Variants in NRDE2 observed in about 807,000 individuals in gnomAD.
The protein encoded by NRDE2 is NRDE-2, necessary for RNA interference, domain containing.
A neutral mutation model predicts 124.2 loss-of-function variants in NRDE2; 76 were observed. The observed-to-expected ratio is 0.61, with a 90% CI of 0.51 to 0.74. NRDE2 has a LOEUF of 0.74. Among genes scored for constraint, NRDE2 ranks in the 30% least tolerant of loss-of-function variants. The pLI is 0.00. For missense variants in NRDE2, 1,314 were observed against 1,417.3 expected (o/e 0.93, Z 1.17); for synonymous variants, 489 against 528.1 (o/e 0.93, Z 1.01).
At chr14:90,321,626 C>T (rs1240814866) in intron 1 of NRDE2, among the ~76,000 whole-genome samples, 2 of 151,590 alleles carry the variant, frequency 1.3e-5, no homozygotes, top group East Asian at 3.9e-4. Context: ...CATGGATCCT[C>T]TGTGACCTTC....
intron 11 of NRDE2, among the ~76,000 whole-genome samples, chr14:90,287,339 C>T (rs564130524): frequency 5.9e-5 from 9 of 152,188 alleles, no homozygotes; most frequent in African/African-American, 2.2e-4. Flanking sequence ...TGGATCAGGC[C>T]GGACACTGTG....
chr14:90,298,705 AC>A (rs974705827), intron 7 of NRDE2, among the ~76,000 whole-genome samples: 2 of 152,206 alleles, frequency 1.3e-5, no homozygotes, highest in African/African-American at 4.8e-5. Flanking sequence ...TTACAAAAAG[AC>A]CAGCTGAGGT....
At chr14:90,319,416 A>T (rs956946158) in intron 1 of NRDE2, among the ~76,000 whole-genome samples, 1 of 152,160 alleles carries the variant, frequency 6.6e-6, no homozygotes, top group African/African-American at 2.4e-5. Flanking sequence ...GGTCATCTTC[A>T]TAACTTTAGA....
chr14:90,268,191 CTTTT>C lies in NRDE2; in HGVS notation c.*10141_*10144del. ...TAAGTTAAAATGGCACTTAAGGTGT[CTTTT>C]TTTTTTTTATCTTTTTCATCCAAAA... On this transcript the variant is annotated 3_prime_UTR_variant, in exon 14 of 14. Transcript: ENST00000354366. 4.6e-6 allele frequency: 6 copies of C among 1,303,800 alleles called. No homozygotes were observed. The highest frequency in any genetic ancestry group is 2.6e-5 in the East Asian group (1 of 38,690). The allele number at this position is 1,303,800 out of a possible 1,614,324, so 80.8% of individuals were successfully genotyped here.
At chr14:90,309,148 C>T (rs193209168) in intron 4 of NRDE2, among the ~76,000 whole-genome samples, 4 of 151,822 alleles carry the variant, frequency 2.6e-5, no homozygotes, top group African/African-American at 9.7e-5. Flanking sequence ...TGAGTTGGGT[C>T]GCACGCATTG....
intron 8 of NRDE2, among the ~76,000 whole-genome samples, chr14:90,293,823 G>A (rs1892339046): frequency 6.6e-6 from 1 of 152,184 alleles, no homozygotes; most frequent in African/African-American, 2.4e-5. Context: ...GAAAGCCAGA[G>A]TTATCTGTAA....
In NRDE2 at chr14:90,269,692, C is replaced by CTT. The variant is rs1891612305; in HGVS notation, c.*8642_*8643dup. On this transcript the variant is annotated 3_prime_UTR_variant, in exon 14 of 14. Coordinates refer to ENST00000354366, the MANE Select transcript of NRDE2 (RefSeq NM_017970.4). ...GATAATTTACAAAAAAATAGGTCCT[C>CTT]TTGAGATGAGGGTTAAAACAGAGCA... 6 of 862,020 alleles carry CTT rather than the reference C, an allele frequency of 7.0e-6. No homozygotes were observed. The highest frequency in any genetic ancestry group is 8.8e-6 in the Non-Finnish European group (5 of 569,834). 53.4% of individuals were successfully genotyped at this position (862,020 alleles called of 1,614,324 possible).
Position 90,303,038 on chromosome 14 carries a change from T to G in NRDE2, c.1093A>C (p.Lys365Gln). 2 of 1,613,992 alleles carry G rather than the reference T, an allele frequency of 1.2e-6. No homozygotes were observed. Among genetic ancestry groups the G allele is most frequent in the Non-Finnish European group, 1.7e-6 (2 of 1,180,030 alleles). The change falls in exon 6 of 14, where the codon AAG becomes CAG. Residue 365 changes from lysine (K) to glutamine (Q), a missense_variant. Lys to Gln is a moderately conservative substitution (Grantham distance 53). Transcript: ENST00000354366. ...GCCCGCTCCAGAATGGCCAGCTTCT[T>G]CTCCAGAATGAGCTTCAGGGACCTC... ...RKRSLKLILE[K>Q]KLAILERAIE...
intron 1 of NRDE2, among the ~76,000 whole-genome samples, chr14:90,318,682 C>T (rs554793677): frequency 6.6e-6 from 1 of 152,242 alleles, no homozygotes; most frequent in South Asian, 2.1e-4. Context: ...CGCCTGTAAT[C>T]CCAGCTACTC....
chr14:90,298,395 G>T lies in NRDE2; in HGVS notation c.1546-15C>A. 1.2e-6 allele frequency: 2 copies of T among 1,613,624 alleles called. No individual in the cohort carries two copies. The highest frequency in any genetic ancestry group is 1.3e-5 in the African/African-American group (1 of 75,044). On this transcript the variant is annotated splice_polypyrimidine_tract_variant and intron_variant, in intron 7 of 13. Coordinates refer to ENST00000354366, the MANE Select transcript of NRDE2 (RefSeq NM_017970.4). ...AAGAATTCCACCTGTTCAGATTTTA[G>T]AATGGACGTTAGACCTCACTTGTAT...
At chr14:90,327,917 G>A (rs1038927636) in intron 1 of NRDE2, among the ~76,000 whole-genome samples, 17 of 152,194 alleles carry the variant, frequency 1.1e-4, no homozygotes, top group Non-Finnish European at 2.2e-4. Context: ...GCAGAGGCGG[G>A]CGGATCATGA....
intron 9 of NRDE2, among the ~76,000 whole-genome samples, chr14:90,291,546 A>G (rs1399223258): frequency 6.6e-6 from 1 of 152,188 alleles, no homozygotes; most frequent in Admixed American, 6.5e-5. Context: ...TGTGAACTCT[A>G]CAAAATCCTC....
At chr14:90,313,904 C>T (rs1378426211) in intron 3 of NRDE2, among the ~76,000 whole-genome samples, 1 of 152,142 alleles carries the variant, frequency 6.6e-6, no homozygotes, top group East Asian at 1.9e-4. Context: ...ACACATTTCC[C>T]AACTGCAGAG....
chr14:90,307,157 A>C (rs1306078203), intron 4 of NRDE2, among the ~76,000 whole-genome samples: 1 of 152,222 alleles, frequency 6.6e-6, no homozygotes, highest in African/African-American at 2.4e-5. Flanking sequence ...CCTTTTTCAA[A>C]ATAGTTGATA....
At chr14:90,328,182 C>T (rs1168468024) in intron 1 of NRDE2, among the ~76,000 whole-genome samples, 1 of 151,026 alleles carries the variant, frequency 6.6e-6, no homozygotes, top group Non-Finnish European at 1.5e-5. Flanking sequence ...TGGCGCATGC[C>T]TGTAGTCCCA....
At chr14:90,324,143 T>C (rs1429844871) in intron 1 of NRDE2, among the ~76,000 whole-genome samples, 2 of 146,672 alleles carry the variant, frequency 1.4e-5, no homozygotes, top group East Asian at 2.0e-4. Context: ...GAAGGAAATA[T>C]GCTCCTAGAA....
Position 90,277,155 on chromosome 14 carries a change from G to C in NRDE2, c.*1181C>G, listed in dbSNP as rs535596112. ...CACCTGTAGCTCAGGGACTGGGGAC[G>C]AGCAGGAGAGGGCAGTAGTGGGGCT... On this transcript the variant is annotated 3_prime_UTR_variant, in exon 14 of 14. Coordinates refer to ENST00000354366, the MANE Select transcript of NRDE2 (RefSeq NM_017970.4). 1 of 152,396 alleles carries C rather than the reference G, an allele frequency of 6.6e-6. No homozygotes were observed. The highest frequency in any genetic ancestry group is 6.5e-5 in the Admixed American group (1 of 15,298). The allele number at this position is 152,396 out of a possible 1,614,324, so 9.4% of individuals were successfully genotyped here. A position where few individuals can be genotyped will look rare whatever the true frequency, so the allele number is the denominator to read the frequency against.
chr14:90,272,717 A>G lies in NRDE2; in HGVS notation c.*5619T>C, dbSNP rs1891701705. The G allele has an allele frequency of 1.7e-5, 4 of 231,316 alleles. No individual in the cohort carries two copies. Among genetic ancestry groups the G allele is most frequent in the South Asian group, 6.8e-5 (1 of 14,798 alleles). 14.3% of individuals were successfully genotyped at this position (231,316 alleles called of 1,614,324 possible). A position where few individuals can be genotyped will look rare whatever the true frequency, so the allele number is the denominator to read the frequency against. On this transcript the variant is annotated 3_prime_UTR_variant, in exon 14 of 14. Coordinates refer to ENST00000354366, the MANE Select transcript of NRDE2 (RefSeq NM_017970.4). The surrounding 1 kb of genome is among the most constrained non-coding windows in gnomAD (Gnocchi z 4.5). ...CAGGGAAGCCTTTGGACAGGAACTCAGGCTGCGGTCCCAAGGAGTGTGGAC... is the reference window on the plus strand; with the variant it reads ...CAGGGAAGCCTTTGGACAGGAACTCGGGCTGCGGTCCCAAGGAGTGTGGAC...
intron 7 of NRDE2, among the ~76,000 whole-genome samples, chr14:90,299,338 G>C (rs909281664): frequency 4.6e-5 from 7 of 151,974 alleles, no homozygotes; most frequent in Non-Finnish European, 1.0e-4. Flanking sequence ...CTAAACCACC[G>C]CGCCCAGCCT....
Sources: gnomAD v4.1 joint callset for allele counts (sites outside exome capture counted in the v4.1 genomes callset) on GRCh38, gnomAD v4.1.1 for gene constraint, Gnocchi (gnomAD v3.1) non-coding constraint, MANE v1.5 for transcripts, NCBI Gene and HGNC (gene_info 2026-07-23, HGNC 2026-07-21) for gene names.